PCSK5: variants seen among roughly 807,000 people sequenced by gnomAD.
The protein encoded by PCSK5 is proprotein convertase subtilisin/kexin type 5, also known as prohormone convertase 5.
In PCSK5, 129 loss-of-function variants were observed where a neutral mutation model predicts 233.2. The ratio of observed to expected loss-of-function variants is 0.55; its 90% CI spans 0.48 to 0.64. The LOEUF (loss-of-function observed/expected upper bound fraction) is 0.64, where lower values mean the gene tolerates loss of function less well. Ranked by LOEUF, PCSK5 falls within the 30% of genes least tolerant of loss-of-function variation. The pLI, the probability that PCSK5 is intolerant of heterozygous loss-of-function variation, is 0.00. For synonymous variants in PCSK5, 825 were observed against 879.2 expected (o/e 0.94, Z 1.09); for missense variants, 2,076 against 2,430.1 (o/e 0.85, Z 3.06).
At chr9:76,116,114 G>A (rs553172106) in intron 9 of PCSK5, among the ~76,000 whole-genome samples, 3 of 151,998 alleles carry the variant, frequency 2.0e-5, no homozygotes, top group East Asian at 3.9e-4. Flanking sequence ...AGTAAATAAG[G>A]AAAATAAAAA....
At chr9:76,209,272 A>G (rs1416765830) in intron 20 of PCSK5, among the ~76,000 whole-genome samples, 1 of 152,212 alleles carries the variant, frequency 6.6e-6, no homozygotes, top group Admixed American at 6.5e-5. Context: ...CCTGGATCCC[A>G]TTACATTCTA....
At chr9:75,975,068 C>A (rs910288660) in intron 2 of PCSK5, among the ~76,000 whole-genome samples, 3 of 152,140 alleles carry the variant, frequency 2.0e-5, no homozygotes, top group Non-Finnish European at 4.4e-5. Context: ...AAACATAGAA[C>A]TGAAGCTCCC....
intron 1 of PCSK5, among the ~76,000 whole-genome samples, chr9:75,928,761 A>G (rs62555885): frequency 0.075 from 11,296 of 151,134 alleles, 520 homozygotes; most frequent in African/African-American, 0.11. Flanking sequence ...AGATGTCTCA[A>G]CCCACAACTT....
intron 9 of PCSK5, among the ~76,000 whole-genome samples, chr9:76,127,457 A>C (rs1434765532): frequency 1.3e-5 from 2 of 152,156 alleles, no homozygotes; most frequent in Non-Finnish European, 2.9e-5. Context: ...AGTGGGTCCA[A>C]AAATTTCACT....
chr9:75,895,619 A>G (rs1026008332), intron 1 of PCSK5, among the ~76,000 whole-genome samples: 2 of 152,224 alleles, frequency 1.3e-5, no homozygotes, highest in African/African-American at 4.8e-5. Flanking sequence ...CTCTTCCCTC[A>G]TTCATCCTAG....
intron 1 of PCSK5, among the ~76,000 whole-genome samples, chr9:75,920,133 G>T (rs1823183967): frequency 6.6e-6 from 1 of 152,168 alleles, no homozygotes; most frequent in African/African-American, 2.4e-5. Flanking sequence ...ACTCCAGCCT[G>T]AGAGACAGAG....
intron 3 of PCSK5, among the ~76,000 whole-genome samples, chr9:76,009,992 A>G (rs914847704): frequency 2.6e-5 from 4 of 151,224 alleles, no homozygotes; most frequent in African/African-American, 9.9e-5. Flanking sequence ...AGAAAGAGGT[A>G]TACCAGTGAC....
In PCSK5 at chr9:76,181,418, C is replaced by T; in HGVS notation, c.2024C>T (p.Pro675Leu). The T allele has an allele frequency of 6.2e-7, 1 of 1,613,318 alleles. No homozygotes were observed. The highest frequency in any genetic ancestry group is 1.1e-5 in the South Asian group (1 of 90,948). Reference protein sequence around the residue: ...NNTRICVSSCPPGHYHADKKR... With the variant: ...NNTRICVSSCLPGHYHADKKR... ...TGCAGGATCTGTGTCTCCAGCTGCC[C>T]CCCTGGCCACTACCACGCCGACAAG... is the stretch of plus-strand genomic sequence containing the variant. The change falls in exon 16 of 38, where the codon CCC becomes CTC. Residue 675 changes from proline (P) to leucine (L), a missense_variant. Pro to Leu is a moderately conservative substitution (Grantham distance 98, BLOSUM62 -3). Coordinates refer to ENST00000674117, the MANE Select transcript of PCSK5 (RefSeq NM_001372043.1).
chr9:75,953,297 A>C (rs2131328751), intron 2 of PCSK5, among the ~76,000 whole-genome samples: 1 of 152,272 alleles, frequency 6.6e-6, no homozygotes, highest in East Asian at 1.9e-4. Flanking sequence ...AAGCAAAAGA[A>C]GTGAGATTAG....
At chr9:75,950,981 A>C (rs1477886375) in intron 2 of PCSK5, among the ~76,000 whole-genome samples, 1 of 152,174 alleles carries the variant, frequency 6.6e-6, no homozygotes, top group Non-Finnish European at 1.5e-5. Context: ...GCAACCATTG[A>C]AAGATTTGTA....
rs148671791 is a variant in PCSK5 at position 76,065,144 on chromosome 9, A to G, written c.633-2811A>G. On this transcript the variant is annotated intron_variant, in intron 5 of 37. Coordinates refer to ENST00000674117, the MANE Select transcript of PCSK5 (RefSeq NM_001372043.1). ...TCTTTTCAATAGGCTGACTTCCTTT[A>G]TTTTGGATATATACCCAGCCATGGG... Among the ~76,000 whole-genome samples, 542 of 151,774 alleles carry G rather than the reference A, an allele frequency of 3.6e-3. 1 individual carries two copies. The highest frequency in any genetic ancestry group is 4.3e-3 in the Non-Finnish European group (290 of 67,946).
intron 20 of PCSK5, chr9:76,193,428 GAAAA>G (rs368878471): frequency 4.8e-6 from 3 of 630,366 alleles, no homozygotes; most frequent in South Asian, 8.8e-5. Flanking sequence ...AAGCCAAAAA[GAAAA>G]AAAAAAAAAG....
At chr9:76,297,872 G>A (rs1053674129) in intron 27 of PCSK5, among the ~76,000 whole-genome samples, 2 of 152,062 alleles carry the variant, frequency 1.3e-5, no homozygotes, top group Non-Finnish European at 2.9e-5. Context: ...TGTCTACTAC[G>A]GCAGTTTTAC....
intron 5 of PCSK5, among the ~76,000 whole-genome samples, chr9:76,051,564 A>G (rs532613167): frequency 8.5e-5 from 13 of 152,240 alleles, no homozygotes; most frequent in African/African-American, 2.6e-4. Flanking sequence ...CTGATATCAT[A>G]GGTAATACTT....
At chr9:76,307,828 A>T (rs1828747295) in intron 28 of PCSK5, among the ~76,000 whole-genome samples, 1 of 152,126 alleles carries the variant, frequency 6.6e-6, no homozygotes, top group Non-Finnish European at 1.5e-5. Flanking sequence ...AAAGAACAAA[A>T]ACAGAAAAAA....
chr9:75,913,751 T>C (rs1822858448), intron 1 of PCSK5, among the ~76,000 whole-genome samples: 1 of 152,202 alleles, frequency 6.6e-6, no homozygotes, highest in South Asian at 2.1e-4. Flanking sequence ...TAGTTGTATT[T>C]GGAGGTTACA....
chr9:75,942,355 T>C (rs1824349399), intron 2 of PCSK5, among the ~76,000 whole-genome samples: 1 of 152,228 alleles, frequency 6.6e-6, no homozygotes, highest in Non-Finnish European at 1.5e-5. Context: ...TTGGGTTGGC[T>C]GTGTTGGGAG....
At chr9:76,041,843 G>GGGAAA (rs1554677386) in intron 5 of PCSK5, among the ~76,000 whole-genome samples, 3 of 131,026 alleles carry the variant, frequency 2.3e-5, no homozygotes, top group Non-Finnish European at 5.0e-5. Context: ...TGTCTCAAGG[G>GGGAAA]AAAAAAAAAA....
At chr9:75,917,977 C>G (rs1396750299) in intron 1 of PCSK5, among the ~76,000 whole-genome samples, 1 of 152,102 alleles carries the variant, frequency 6.6e-6, no homozygotes, top group Non-Finnish European at 1.5e-5. Flanking sequence ...TGCATGTCAC[C>G]TGGGAATTTT....
Sources: allele counts gnomAD v4.1 joint callset (sites outside exome capture counted in the v4.1 genomes callset), GRCh38; gene constraint gnomAD v4.1.1; transcripts MANE v1.5; gene names NCBI Gene and HGNC (gene_info 2026-07-23, HGNC 2026-07-21).